ANKDD1A: variants seen among roughly 807,000 people sequenced by gnomAD.
The protein encoded by ANKDD1A is ankyrin repeat and death domain containing 1A.
In ANKDD1A, 59 loss-of-function variants were observed where a neutral mutation model predicts 63.5. The observed-to-expected ratio is 0.93, with a 90% confidence interval of 0.75 to 1.15. The LOEUF (loss-of-function observed/expected upper bound fraction) is 1.15. Ranked by LOEUF, ANKDD1A falls within the 50% of genes most tolerant of loss-of-function variation. The probability of loss-of-function intolerance (pLI) is 0.00; values close to 1 mark genes in which losing one functional copy is unlikely to be tolerated. For synonymous variants in ANKDD1A, 266 were observed against 263.9 expected, an observed-to-expected ratio of 1.01 and a Z score of -0.08; for missense variants, 632 against 656.4, an observed-to-expected ratio of 0.96 and a Z score of 0.41.
intron 14 of ANKDD1A, chr15:64,950,625 T>C: frequency 1.0e-6 from 1 of 985,098 alleles, no homozygotes; most frequent in Non-Finnish European, 1.2e-6. Flanking sequence ...AGTTGTGAAG[T>C]CTCCATTAGA....
At chr15:64,955,442 A>G (rs1436575905) in intron 14 of ANKDD1A, among the ~76,000 whole-genome samples, 2 of 152,158 alleles carry the variant, frequency 1.3e-5, no homozygotes, top group Non-Finnish European at 2.9e-5. Flanking sequence ...GCAGGCACCC[A>G]TAGCAAGTGG....
chr15:64,951,467 TTTTC>T (rs1256777398), intron 14 of ANKDD1A: 2 of 23,638 alleles, frequency 8.5e-5, no homozygotes, highest in African/African-American at 1.8e-4. Flanking sequence ...CTTTTCTCTT[TTTTC>T]TTTTCTTCTT....
chr15:64,953,594 CCTT>C (rs2085348693), intron 14 of ANKDD1A, among the ~76,000 whole-genome samples: 1 of 5,918 alleles, frequency 1.7e-4, no homozygotes, highest in African/African-American at 3.3e-4. Flanking sequence ...TCTTCCTTCT[CCTT>C]TTCTTCTTTC....
chr15:64,951,934 TTTCTTTTC>T (rs1415807750), intron 14 of ANKDD1A, among the ~76,000 whole-genome samples: 11 of 73,830 alleles, frequency 1.5e-4, no homozygotes, highest in South Asian at 8.1e-4. Flanking sequence ...CTCTTCTTCC[TTTCTTTTC>T]TTCTTCTTCT....
At chr15:64,919,420 C>T (rs2084993001) in intron 3 of ANKDD1A, among the ~76,000 whole-genome samples, 1 of 152,218 alleles carries the variant, frequency 6.6e-6, no homozygotes, top group East Asian at 1.9e-4. Flanking sequence ...TTAAGGCCAG[C>T]TGTAGACCCT....
chr15:64,945,267 T>C (rs1281040147), intron 12 of ANKDD1A, among the ~76,000 whole-genome samples: 1 of 152,124 alleles, frequency 6.6e-6, no homozygotes, highest in Non-Finnish European at 1.5e-5. Flanking sequence ...TGTTTTTATA[T>C]ACAGAAGATA....
intron 14 of ANKDD1A, among the ~76,000 whole-genome samples, chr15:64,952,046 TTTCTTC>T (rs1425353077): frequency 5.6e-5 from 8 of 142,446 alleles, no homozygotes; most frequent in African/African-American, 2.0e-4. Flanking sequence ...TTTCCTCTTC[TTTCTTC>T]TTCTTAGTTC....
intron 9 of ANKDD1A, among the ~76,000 whole-genome samples, chr15:64,935,444 G>A (rs554616439): frequency 4.6e-5 from 7 of 152,152 alleles, no homozygotes; most frequent in African/African-American, 1.7e-4. Flanking sequence ...GGGAGGCCGA[G>A]GCGGGCGGAT....
chr15:64,921,166 G>C (rs2085004267), intron 3 of ANKDD1A, among the ~76,000 whole-genome samples: 1 of 151,778 alleles, frequency 6.6e-6, no homozygotes, highest in South Asian at 2.1e-4. Context: ...TAGAGATGGG[G>C]GTCCCCCTAT....
chr15:64,949,948 G>C lies in ANKDD1A; in HGVS notation c.1459G>C (p.Ala487Pro). The change falls in exon 14 of 15, where the codon GCC (alanine) becomes CCC (proline). Residue 487 changes from alanine to proline, a missense_variant. Physicochemically the swap from Ala to Pro is conservative, Grantham distance 27. Transcript: ENST00000319580. ...PSKALFEGLV[A>P]IGRRDLAGWS... is the part of the protein sequence containing the mutation. ...CAAAGCGCTGTTCGAGGGCCTCGTG[G>C]CCATTGGCAGGAGGGACCTGGCTGG... The C allele has an allele frequency of 6.2e-7, 1 of 1,610,122 alleles. No individual in the cohort carries two copies. The highest frequency in any genetic ancestry group is 8.5e-7 in the Non-Finnish European group (1 of 1,179,956).
intron 4 of ANKDD1A, 38 bp downstream of exon 4, chr15:64,922,057 C>A: frequency 1.9e-6 from 3 of 1,596,558 alleles, no homozygotes; most frequent in Non-Finnish European, 2.6e-6. Context: ...CCCCTCGGCT[C>A]CCCTGGCCTG....
chr15:64,936,244 A>G (rs955309415), intron 9 of ANKDD1A, among the ~76,000 whole-genome samples: 1 of 152,132 alleles, frequency 6.6e-6, no homozygotes, highest in Non-Finnish European at 1.5e-5. Context: ...ACTTTTTTTT[A>G]ATGCCCTCCC....
chr15:64,931,560 G>C lies in ANKDD1A; in HGVS notation c.743G>C (p.Gly248Ala). The change falls in exon 8 of 15, where the codon GGG becomes GCG. Residue 248 changes from glycine to alanine, a missense_variant. Physicochemically the swap from Gly to Ala is moderately conservative, Grantham distance 60. Coordinates refer to ENST00000319580, the MANE Select transcript of ANKDD1A (RefSeq NM_182703.6). ...PDCVQLLLRAGSTVNALTQKN... is the reference protein window; with the variant it reads ...PDCVQLLLRAASTVNALTQKN... ...TGTGTGCAGCTCCTCCTCAGGGCTGGGAGCACCGTGAATGCCCTCACCCAG... is the reference window on the plus strand; with the variant it reads ...TGTGTGCAGCTCCTCCTCAGGGCTGCGAGCACCGTGAATGCCCTCACCCAG... 6.2e-7 allele frequency: 1 copy of C among 1,613,974 alleles called. No individual in the cohort carries two copies. The highest frequency in any genetic ancestry group is 2.2e-5 in the East Asian group (1 of 44,880).
intron 9 of ANKDD1A, among the ~76,000 whole-genome samples, chr15:64,935,264 C>T (rs922828959): frequency 8.2e-5 from 12 of 146,802 alleles, no homozygotes; most frequent in South Asian, 2.2e-4. Context: ...GGCATGGTGG[C>T]GTGAGCCTGT....
intron 14 of ANKDD1A, among the ~76,000 whole-genome samples, chr15:64,954,817 TCTC>T (rs559650828): frequency 6.1e-4 from 91 of 150,358 alleles, no homozygotes; most frequent in African/African-American, 9.0e-4. Context: ...TCCTTGTTCT[TCTC>T]CTTCTTTTTG....
chr15:64,923,501 G>A (rs1343249676), intron 4 of ANKDD1A, among the ~76,000 whole-genome samples: 3 of 151,896 alleles, frequency 2.0e-5, no homozygotes, highest in African/African-American at 7.3e-5. Flanking sequence ...TTGCATTTAA[G>A]TAAATATTCT....
chr15:64,951,981 CTTATTCTTCTTTCTTT>C (rs1012928994), intron 14 of ANKDD1A, among the ~76,000 whole-genome samples: 6 of 146,198 alleles, frequency 4.1e-5, no homozygotes, highest in African/African-American at 1.5e-4. Context: ...CTTCTTCCTT[CTTATTCTTCTTTCTTT>C]TCTTTCTTCT....
intron 1 of ANKDD1A, among the ~76,000 whole-genome samples, chr15:64,913,728 T>TG (rs1325211035): frequency 6.6e-6 from 1 of 152,150 alleles, no homozygotes; most frequent in East Asian, 1.9e-4. Flanking sequence ...CAGGCCTGTC[T>TG]CTCACCTCAG....
intron 9 of ANKDD1A, among the ~76,000 whole-genome samples, chr15:64,938,288 G>C (rs2085151788): frequency 6.6e-6 from 1 of 152,154 alleles, no homozygotes; most frequent in Admixed American, 6.5e-5. Flanking sequence ...TACGGGAAGA[G>C]GAAAAGAGTA....
Sources: allele counts gnomAD v4.1 joint callset (sites outside exome capture counted in the v4.1 genomes callset), GRCh38; gene constraint gnomAD v4.1.1; transcripts MANE v1.5; gene names NCBI Gene and HGNC (gene_info 2026-07-23, HGNC 2026-07-21).